The following REEP5 variants were observed in gnomAD, a reference collection of about 807,000 sequenced individuals.
REEP5 encodes the protein receptor accessory protein 5.
REEP5 carries 24 observed loss-of-function variants against 22.4 expected under a neutral mutation model. That is an observed-to-expected ratio of 1.07 (90% CI 0.78 to 1.51). REEP5 has a LOEUF of 1.51. Ranked by LOEUF, REEP5 falls within the 40% of genes most tolerant of loss-of-function variation. The probability of loss-of-function intolerance (pLI) is 0.00; values close to 1 mark genes in which losing one functional copy is unlikely to be tolerated. For missense variants in REEP5, 252 were observed against 233.0 expected (o/e 1.08, Z -0.53); for synonymous variants, 103 against 88.6 (o/e 1.16, Z -0.92).
chr5:112,895,327 G>A (rs1768650041), intron 3 of REEP5: 1 of 150,948 alleles, frequency 6.6e-6, no homozygotes, highest in South Asian at 2.1e-4. Context: ...CTCTTCTGCA[G>A]AGTTTTAGGA....
At chr5:112,880,905 G>C (rs1316962662) in intron 4 of REEP5, among the ~76,000 whole-genome samples, 1 of 152,102 alleles carries the variant, frequency 6.6e-6, no homozygotes, top group African/African-American at 2.4e-5. Context: ...GAGGTGGGTG[G>C]ATCACTTGAG....
At chr5:112,881,963 G>A (rs1768090619) in intron 4 of REEP5, 1 of 151,504 alleles carries the variant, frequency 6.6e-6, no homozygotes, top group Non-Finnish European at 1.5e-5. Context: ...GTAGAGACTG[G>A]GTTTCACCAT....
In REEP5 at chr5:112,887,055, T is replaced by C; in HGVS notation, c.480A>G (p.Lys160=). The C allele has an allele frequency of 6.2e-7, 1 of 1,613,270 alleles. No homozygotes were observed. Among genetic ancestry groups the C allele is most frequent in the Non-Finnish European group, 8.5e-7 (1 of 1,179,516 alleles). Residue 160 remains lysine, a synonymous_variant, in exon 4 of 5, where the codon AAA becomes AAG. Transcript: ENST00000379638. ...SQMDSVVKDL[K]DKAKETADAI... ...CATCTGCAGTCTCTTTGGCCTTGTC[T>C]TTAAGGTCCTTGACCACACTGTCCA... is the stretch of plus-strand genomic sequence containing the variant.
Position 112,921,218 on chromosome 5 carries a change from A to G in REEP5, c.157T>C (p.Tyr53His), listed in dbSNP as rs1385686056. The G allele has an allele frequency of 1.9e-6, 3 of 1,614,032 alleles. No individual in the cohort carries two copies. Among genetic ancestry groups the G allele is most frequent in the Non-Finnish European group, 2.5e-6 (3 of 1,180,026 alleles). The change falls in exon 2 of 5, where the codon TAT (tyrosine) becomes CAT (histidine). Residue 53 changes from tyrosine to histidine, a missense_variant. Transcript: ENST00000379638. ...AGGTTGCAGAGGAGAGAGGCTCCAT[A>G]ACCGAACACCAGGTACAAGGCCACC... ...GLVALYLVFG[Y>H]GASLLCNLIG...
chr5:112,879,206 C>T (rs964166531), intron 4 of REEP5, among the ~76,000 whole-genome samples: 1 of 151,834 alleles, frequency 6.6e-6, no homozygotes, highest in Non-Finnish European at 1.5e-5. Flanking sequence ...TAAGATTTCA[C>T]TTATCAATAT....
intron 2 of REEP5, among the ~76,000 whole-genome samples, chr5:112,911,606 A>G (rs1354533328): frequency 6.6e-6 from 1 of 152,232 alleles, no homozygotes; most frequent in Non-Finnish European, 1.5e-5. Flanking sequence ...TACCATGCAA[A>G]ATAGATCAAA....
At chr5:112,888,397 A>G (rs80152333) in intron 3 of REEP5, among the ~76,000 whole-genome samples, 6,662 of 152,308 alleles carry the variant, frequency 0.044, 392 homozygotes, top group African/African-American at 0.14. Flanking sequence ...CACTCAAAAT[A>G]AAAAACAAAA....
At chr5:112,919,311 G>A (rs553172267) in intron 2 of REEP5, among the ~76,000 whole-genome samples, 1 of 152,284 alleles carries the variant, frequency 6.6e-6, no homozygotes, top group Non-Finnish European at 1.5e-5. Context: ...ACTTTGGGAG[G>A]CTGAGACAGG....
chr5:112,912,941 T>A (rs905381466), intron 2 of REEP5, among the ~76,000 whole-genome samples: 6 of 152,190 alleles, frequency 3.9e-5, no homozygotes, highest in Non-Finnish European at 2.9e-5. Context: ...AAGTTACATA[T>A]CTTTTTCACT....
chr5:112,911,386 G>GTTACTTAT lies in REEP5; in HGVS notation c.213-8869_213-8868insATAAGTAA, dbSNP rs1610963. ...CAAAAGCTTTCTAAGCTAAGCTTAA[G>GTTACTTAT]CTCGGTATTGGTCAAAATGTGCTCT... On this transcript the variant is annotated intron_variant, in intron 2 of 4. Coordinates refer to ENST00000379638, the MANE Select transcript of REEP5 (RefSeq NM_005669.5). Among the ~76,000 whole-genome samples, 2 of 151,400 alleles carry GTTACTTAT rather than the reference G, an allele frequency of 1.3e-5. 1 individual carries two copies. The highest frequency in any genetic ancestry group is 4.1e-4 in the South Asian group (2 of 4,824).
chr5:112,887,011 T>C lies in REEP5; in HGVS notation c.520+4A>G. 2.5e-6 allele frequency: 4 copies of C among 1,595,506 alleles called. No individual in the cohort carries two copies. The highest frequency in any genetic ancestry group is 3.4e-6 in the Non-Finnish European group (4 of 1,165,554). On this transcript the variant is annotated splice_donor_region_variant and intron_variant, in intron 4 of 4. Coordinates refer to ENST00000379638, the MANE Select transcript of REEP5 (RefSeq NM_005669.5). Reference sequence around the variant, plus strand: ...TGTGGGGCCATCTTGTTCCTGAGTCTTACCTTCTTTAGTGATGGCATCTGC... The same window carrying C: ...TGTGGGGCCATCTTGTTCCTGAGTCCTACCTTCTTTAGTGATGGCATCTGC...
chr5:112,899,084 T>G (rs1258447198), intron 3 of REEP5, among the ~76,000 whole-genome samples: 1 of 152,160 alleles, frequency 6.6e-6, no homozygotes, highest in African/African-American at 2.4e-5. Context: ...TTCTATTACT[T>G]TTTTTCTTTT....
At chr5:112,879,429 C>A (rs890391316) in intron 4 of REEP5, among the ~76,000 whole-genome samples, 3 of 152,106 alleles carry the variant, frequency 2.0e-5, no homozygotes, top group African/African-American at 7.2e-5. Flanking sequence ...GAATGGCATA[C>A]ATAGTATTTC....
chr5:112,902,564 A>T, intron 2 of REEP5, 46 bp from the exon 3 acceptor site: 1 of 1,511,174 alleles, frequency 6.6e-7, no homozygotes, highest in South Asian at 1.3e-5. Context: ...TAAGATATCA[A>T]TGAAAGATTT....
chr5:112,878,585 C>T lies in REEP5; in HGVS notation c.*201G>A. 1 of 676,208 alleles carries T rather than the reference C, an allele frequency of 1.5e-6. No homozygotes were observed. Among genetic ancestry groups the T allele is most frequent in the South Asian group, 2.7e-5 (1 of 37,236 alleles). The allele number at this position is 676,208 out of a possible 1,614,324, so 41.9% of individuals were successfully genotyped here. A position where few individuals can be genotyped will look rare whatever the true frequency, so the allele number is the denominator to read the frequency against. ...ATTTTCCAAAAACGTGGACACTGCC[C>T]ACTGCATTAAGTTTAAAGTGCTCCC... On this transcript the variant is annotated 3_prime_UTR_variant, in exon 5 of 5. Coordinates refer to ENST00000379638, the MANE Select transcript of REEP5 (RefSeq NM_005669.5).
Position 112,915,761 on chromosome 5 carries a change from C to G in REEP5, c.212+5402G>C, listed in dbSNP as rs147888146. On this transcript the variant is annotated intron_variant, in intron 2 of 4. Transcript: ENST00000379638. ...ATTGCTCTGCTCTTCAACACTTTAA[C>G]AAAGCACATATAGATCCAGAGAGAA... Among the ~76,000 whole-genome samples, 620 of 151,582 alleles carry G rather than the reference C, an allele frequency of 4.1e-3. 3 individuals are homozygous for G. The highest frequency in any genetic ancestry group is 7.1e-3 in the Non-Finnish European group (483 of 67,982).
chr5:112,889,817 A>AG (rs900742019), intron 3 of REEP5, among the ~76,000 whole-genome samples: 3 of 134,346 alleles, frequency 2.2e-5, no homozygotes, highest in African/African-American at 3.3e-5. Context: ...CCACATCTCT[A>AG]GGAAAAAAAA....
chr5:112,886,116 T>C (rs1238785894), intron 4 of REEP5, among the ~76,000 whole-genome samples: 3 of 152,220 alleles, frequency 2.0e-5, no homozygotes, highest in Admixed American at 1.3e-4. Flanking sequence ...AGTGATCCAA[T>C]ACTGTTGCTC....
intron 3 of REEP5, chr5:112,893,447 C>G (rs1229358486): frequency 5.7e-6 from 1 of 174,364 alleles, no homozygotes; most frequent in African/African-American, 2.4e-5. Flanking sequence ...ACTACACAGC[C>G]TGCTTTCCAT....
Sources: gnomAD v4.1 joint callset for allele counts (sites outside exome capture counted in the v4.1 genomes callset) on GRCh38, gnomAD v4.1.1 for gene constraint, MANE v1.5 for transcripts, NCBI Gene and HGNC (gene_info 2026-07-23, HGNC 2026-07-21) for gene names.